SH3KBP1: variants seen among roughly 807,000 people sequenced by gnomAD.
SH3KBP1 encodes SH3 domain-containing kinase-binding protein 1.
Under a neutral mutation model 50.1 loss-of-function variants are expected in SH3KBP1, and 8 were observed. The observed-to-expected ratio is 0.16, with a 90% CI of 0.09 to 0.29. SH3KBP1 has a LOEUF of 0.29. Ranked by LOEUF, SH3KBP1 falls within the 10% of genes least tolerant of loss-of-function variation. The pLI, the probability that SH3KBP1 is intolerant of heterozygous loss-of-function variation, is 1.00. For missense variants in SH3KBP1, 377 were observed against 535.2 expected, an observed-to-expected ratio of 0.70 and a Z score of 2.92; for synonymous variants, 227 against 218.6, an observed-to-expected ratio of 1.04 and a Z score of -0.34.
At chrX:19,841,855 G>A (rs939830274) in intron 1 of SH3KBP1, among the ~76,000 whole-genome samples, 5 of 86,109 alleles carry the variant, frequency 5.8e-5, no homozygotes, top group Non-Finnish European at 8.4e-5. Context: ...ATTTAAAAGA[G>A]AAAGCAGAGA....
intron 6 of SH3KBP1, among the ~76,000 whole-genome samples, chrX:19,656,673 T>C (rs1483765165): frequency 2.7e-5 from 3 of 111,783 alleles, no homozygotes; most frequent in Non-Finnish European, 5.6e-5. Context: ...TCGTGGAGAA[T>C]ATACCCTAAT....
chrX:19,867,407 T>C (rs1425706638), intron 1 of SH3KBP1, among the ~76,000 whole-genome samples: 3 of 111,798 alleles, frequency 2.7e-5, no homozygotes, highest in African/African-American at 9.8e-5. Flanking sequence ...CAAAGATAAA[T>C]AAGATGTCTC....
intron 1 of SH3KBP1, among the ~76,000 whole-genome samples, chrX:19,858,397 G>A (rs2068705237): frequency 9.0e-6 from 1 of 110,530 alleles, no homozygotes; most frequent in South Asian, 3.8e-4. Flanking sequence ...AAGGCAGGAG[G>A]ATCACTTGAG....
rs1170966414 is a variant in SH3KBP1, at chrX:19,788,286, C to CAAA, written c.163-41848_163-41846dup. Among the ~76,000 whole-genome samples the CAAA allele has an allele frequency of 6.1e-5, 4 of 65,716 alleles. 1 individual carries two copies. Among genetic ancestry groups the CAAA allele is most frequent in the African/African-American group, 2.2e-4 (4 of 17,914 alleles). 57.1% of individuals were successfully genotyped at this position (65,716 alleles called of 115,157 possible). A position where few individuals can be genotyped will look rare whatever the true frequency, so the allele number is the denominator to read the frequency against. Reference sequence around the variant, plus strand: ...TCTATCTCCAAAAAAAAAAAAAAAACAAAAAAAAAAAACACAAAAATGAAG... The same window carrying CAAA: ...TCTATCTCCAAAAAAAAAAAAAAAACAAAAAAAAAAAAAAACACAAAAATGAAG... On this transcript the variant is annotated intron_variant, in intron 2 of 17. Coordinates refer to ENST00000397821, the MANE Select transcript of SH3KBP1 (RefSeq NM_031892.3).
intron 9 of SH3KBP1, among the ~76,000 whole-genome samples, chrX:19,603,495 G>T (rs943163661): frequency 8.9e-6 from 1 of 111,958 alleles, no homozygotes; most frequent in Admixed American, 9.4e-5. Context: ...GGACATCTTC[G>T]AGGGCAGGTT....
At chrX:19,627,987 A>G (rs1349176618) in intron 8 of SH3KBP1, among the ~76,000 whole-genome samples, 1 of 112,544 alleles carries the variant, frequency 8.9e-6, no homozygotes, top group Non-Finnish European at 1.9e-5. Context: ...TTCATTTTAT[A>G]ATAGCAATAG....
At chrX:19,857,181 C>G (rs1274477608) in intron 1 of SH3KBP1, among the ~76,000 whole-genome samples, 1 of 108,558 alleles carries the variant, frequency 9.2e-6, no homozygotes, top group African/African-American at 3.3e-5. Flanking sequence ...GCAAGATGGG[C>G]TCTGTCCTTG....
intron 12 of SH3KBP1, among the ~76,000 whole-genome samples, chrX:19,582,813 TG>T (rs1417657162): frequency 8.9e-6 from 1 of 112,034 alleles, no homozygotes; most frequent in East Asian, 2.8e-4. Context: ...CTCTATTCTT[TG>T]GGAAGAAAAT....
intron 2 of SH3KBP1, among the ~76,000 whole-genome samples, chrX:19,826,752 C>CATAACAT (rs1569482970): frequency 1.5e-4 from 15 of 99,252 alleles, no homozygotes; most frequent in African/African-American, 5.5e-4. Flanking sequence ...TAACATAACA[C>CATAACAT]ACCCAGAAAA....
chrX:19,816,545 C>T (rs1317749163), intron 2 of SH3KBP1, among the ~76,000 whole-genome samples: 1 of 112,102 alleles, frequency 8.9e-6, no homozygotes, highest in African/African-American at 3.2e-5. Context: ...TGGTGGCTCA[C>T]ACTTGTAATC....
At chrX:19,786,402 T>C (rs1462393071) in intron 2 of SH3KBP1, among the ~76,000 whole-genome samples, 1 of 111,809 alleles carries the variant, frequency 8.9e-6, no homozygotes, top group Non-Finnish European at 1.9e-5. Context: ...GCCCCTCTAT[T>C]GAGTGCTATG....
intron 2 of SH3KBP1, among the ~76,000 whole-genome samples, chrX:19,756,827 T>C (rs2065221893): frequency 9.4e-6 from 1 of 106,778 alleles, no homozygotes; most frequent in Non-Finnish European, 1.9e-5. Context: ...CTGAAGTCAG[T>C]CTGTATGTAC....
In SH3KBP1 at chrX:19,553,882, A is replaced by T. The variant is rs750449805; in HGVS notation, c.1385-3799T>A. On this transcript the variant is annotated intron_variant, in intron 13 of 17. Coordinates refer to ENST00000397821, the MANE Select transcript of SH3KBP1 (RefSeq NM_031892.3). Reference sequence around the variant, plus strand: ...ATATTAAAATATATGTTAATATATAATATATATTATATATTATATATATAA... The same window carrying T: ...ATATTAAAATATATGTTAATATATATTATATATTATATATTATATATATAA... Among the ~76,000 whole-genome samples, 29 of 82,004 alleles carry T rather than the reference A, an allele frequency of 3.5e-4. 1 individual carries two copies. In the East Asian group the frequency reaches 7.8e-3, roughly 22 times the overall value. The allele number at this position is 82,004 out of a possible 115,157, so 71.2% of individuals were successfully genotyped here. A position where few individuals can be genotyped will look rare whatever the true frequency, so the allele number is the denominator to read the frequency against.
At chrX:19,631,288 A>ACACAGCCAAGG (rs2061568818) in intron 8 of SH3KBP1, among the ~76,000 whole-genome samples, 1 of 112,821 alleles carries the variant, frequency 8.9e-6, no homozygotes, top group African/African-American at 3.2e-5. Flanking sequence ...CACACAAAGT[A>ACACAGCCAAGG]CACAGCCAAG....
Position 19,588,673 on chromosome X carries a change from T to C in SH3KBP1, c.1268A>G (p.Glu423Gly), listed in dbSNP as rs1194663168. ...GTGTGTCAGCGGACCCACCGGTCTC[T>C]CCGGCCTTCTCGGGGGCAGTGCGCC... ...RPGALPPRRP[E>G]RPVGPLTHTR... Residue 423 changes from glutamate (E) to glycine (G), a missense_variant, in exon 12 of 18, where the codon GAG becomes GGG. Around this residue, in one of 3 missense-constraint regions of SH3KBP1, gnomAD observed 257 missense variants for 374.2 expected, o/e 0.69. Transcript: ENST00000397821. The C allele has an allele frequency of 5.0e-6, 6 of 1,207,940 alleles. No homozygotes were observed. Among genetic ancestry groups the C allele is most frequent in the Non-Finnish European group, 6.7e-6 (6 of 894,114 alleles).
At chrX:19,616,934 C>T (rs2067633273) in intron 8 of SH3KBP1, among the ~76,000 whole-genome samples, 1 of 111,928 alleles carries the variant, frequency 8.9e-6, no homozygotes, top group Non-Finnish European at 1.9e-5. Context: ...TTATTTTCTG[C>T]CAGGCCTCGT....
chrX:19,600,997 C>T (rs1255712194), intron 9 of SH3KBP1, among the ~76,000 whole-genome samples: 1 of 111,584 alleles, frequency 9.0e-6, no homozygotes, highest in South Asian at 3.8e-4. Context: ...GTCCAGACTA[C>T]GGGAATTCAT....
intron 2 of SH3KBP1, among the ~76,000 whole-genome samples, chrX:19,781,504 G>C (rs1274118863): frequency 9.2e-6 from 1 of 109,067 alleles, no homozygotes; most frequent in East Asian, 2.9e-4. Flanking sequence ...TGTGGTCCCA[G>C]CTGCTCAGAA....
chrX:19,722,784 G>A (rs2064105798), intron 3 of SH3KBP1, among the ~76,000 whole-genome samples: 3 of 107,698 alleles, frequency 2.8e-5, no homozygotes, highest in Non-Finnish European at 5.8e-5. Context: ...TGGTCAGCAT[G>A]GCCAGCTGGG....
Sources: allele counts gnomAD v4.1 joint callset (sites outside exome capture counted in the v4.1 genomes callset), GRCh38; gene constraint gnomAD v4.1.1; regional missense constraint gnomAD v4.1.1; transcripts MANE v1.5; gene names NCBI Gene and HGNC (gene_info 2026-07-23, HGNC 2026-07-21).